The following CACNA2D3 variants were observed in gnomAD, a reference collection of about 807,000 sequenced individuals.
The protein encoded by CACNA2D3 is voltage-dependent calcium channel subunit alpha-2/delta-3.
A neutral mutation model predicts 160.6 loss-of-function variants in CACNA2D3; 60 were observed. The ratio of observed to expected loss-of-function variants is 0.37; its 90% CI spans 0.30 to 0.46. The LOEUF is 0.46. Among genes scored for constraint, CACNA2D3 ranks in the 20% least tolerant of loss-of-function variants. The pLI is 1.00. For synonymous variants in CACNA2D3, 558 were observed against 492.9 expected (o/e 1.13, Z -1.75); for missense variants, 1,205 against 1,365.0 (o/e 0.88, Z 1.85).
intron 10 of CACNA2D3, among the ~76,000 whole-genome samples, chr3:54,635,014 GGAGA>G (rs752018838): frequency 6.6e-6 from 1 of 151,858 alleles, no homozygotes; most frequent in Admixed American, 6.6e-5. Context: ...GGAGTGGTAT[GGAGA>G]GAGAGTGGAC....
intron 2 of CACNA2D3, among the ~76,000 whole-genome samples, chr3:54,297,559 C>T (rs2107485599): frequency 6.6e-6 from 1 of 152,176 alleles, no homozygotes. Flanking sequence ...CTTCTGAGCT[C>T]CCTGAGATCC....
At chr3:54,779,545 A>G (rs951976900) in intron 13 of CACNA2D3, among the ~76,000 whole-genome samples, 29 of 152,178 alleles carry the variant, frequency 1.9e-4, no homozygotes, top group African/African-American at 6.8e-4. Flanking sequence ...AGTTCTTACC[A>G]TGGTCAATAG....
chr3:55,064,809 A>AGAGT (rs1704599302), intron 35 of CACNA2D3, among the ~76,000 whole-genome samples: 1 of 152,174 alleles, frequency 6.6e-6, no homozygotes, highest in African/African-American at 2.4e-5. Context: ...GAAGATGTTC[A>AGAGT]GAGTTCATTG....
intron 2 of CACNA2D3, among the ~76,000 whole-genome samples, chr3:54,296,261 C>T (rs1308040062): frequency 6.6e-6 from 1 of 152,190 alleles, no homozygotes; most frequent in Non-Finnish European, 1.5e-5. Context: ...GAGAACCAAC[C>T]AGACCTTTTC....
At chr3:54,256,381 C>A (rs9838622) in intron 2 of CACNA2D3, among the ~76,000 whole-genome samples, 35,886 of 151,978 alleles carry the variant, frequency 0.24, 4,433 homozygotes, top group African/African-American at 0.31. Flanking sequence ...TTTTCAAAAT[C>A]CAAAAAATTG....
intron 2 of CACNA2D3, among the ~76,000 whole-genome samples, chr3:54,290,339 C>T (rs942007575): frequency 6.6e-6 from 1 of 152,188 alleles, no homozygotes; most frequent in Non-Finnish European, 1.5e-5. Context: ...CAGAGAAATA[C>T]AAATCAAAAC....
chr3:54,461,625 C>T (rs1008081236), intron 4 of CACNA2D3, among the ~76,000 whole-genome samples: 1 of 151,444 alleles, frequency 6.6e-6, no homozygotes, highest in African/African-American at 2.4e-5. Context: ...TGGTGATATC[C>T]CCTTTATCGT....
chr3:55,034,207 C>T (rs771593704), intron 35 of CACNA2D3, among the ~76,000 whole-genome samples: 4 of 151,890 alleles, frequency 2.6e-5, no homozygotes, highest in Non-Finnish European at 5.9e-5. Flanking sequence ...TTCATACCAA[C>T]ACGGTGTGTT....
chr3:54,890,376 GT>G lies in CACNA2D3; in HGVS notation c.2151-978del, dbSNP rs1282916617. 4.6e-5 allele frequency among the ~76,000 whole-genome samples: 7 copies of G among 151,714 alleles called. No homozygotes were observed. In the East Asian group the frequency reaches 1.4e-3, roughly 30 times the overall value. ...CCAGGCGTGGTGGTAGGCGCCTGTAGTCCCAGCTACTCGGGGGGCTGAGGCA... is the reference window on the plus strand; with the variant it reads ...CCAGGCGTGGTGGTAGGCGCCTGTAGCCCAGCTACTCGGGGGGCTGAGGCA... On this transcript the variant is annotated intron_variant, in intron 24 of 37. Coordinates refer to ENST00000474759, the MANE Select transcript of CACNA2D3 (RefSeq NM_018398.3).
At chr3:54,691,179 G>A (rs1700563680) in intron 11 of CACNA2D3, among the ~76,000 whole-genome samples, 1 of 152,156 alleles carries the variant, frequency 6.6e-6, no homozygotes, top group African/African-American at 2.4e-5. Context: ...GCTCACCCCT[G>A]TGTGAAAGAA....
At chr3:54,507,888 G>A (rs191065058) in intron 5 of CACNA2D3, among the ~76,000 whole-genome samples, 2 of 152,364 alleles carry the variant, frequency 1.3e-5, no homozygotes, top group Admixed American at 1.3e-4. Flanking sequence ...TGCCTCGGGG[G>A]ATGTGCTGAG....
At chr3:54,870,508 T>C (rs905524586) in intron 17 of CACNA2D3, among the ~76,000 whole-genome samples, 1 of 152,162 alleles carries the variant, frequency 6.6e-6, no homozygotes, top group Admixed American at 6.5e-5. Context: ...TGCTAATCCT[T>C]AGCCTGCAGC....
chr3:54,153,403 G>T (rs1396424073), intron 2 of CACNA2D3, among the ~76,000 whole-genome samples: 1 of 152,174 alleles, frequency 6.6e-6, no homozygotes, highest in African/African-American at 2.4e-5. Context: ...GTGAGAAATG[G>T]GTGGCCCCTG....
chr3:55,011,468 C>T (rs1703210707), intron 34 of CACNA2D3, among the ~76,000 whole-genome samples: 1 of 152,162 alleles, frequency 6.6e-6, no homozygotes, highest in Admixed American at 6.5e-5. Flanking sequence ...ATACTGGTAA[C>T]TCTTTAAATG....
chr3:54,916,526 G>A (rs1206937864), intron 27 of CACNA2D3, among the ~76,000 whole-genome samples: 4 of 152,098 alleles, frequency 2.6e-5, no homozygotes, highest in South Asian at 4.1e-4. Context: ...AATTACCATC[G>A]AAATTTAAAC....
intron 25 of CACNA2D3, among the ~76,000 whole-genome samples, chr3:54,896,127 C>T (rs1700182074): frequency 1.3e-5 from 2 of 152,150 alleles, no homozygotes; most frequent in Admixed American, 6.5e-5. Context: ...AGAAAGAAGA[C>T]TGCACCTAGC....
At chr3:54,559,803 C>T (rs1012731292) in intron 5 of CACNA2D3, among the ~76,000 whole-genome samples, 1 of 152,158 alleles carries the variant, frequency 6.6e-6, no homozygotes, top group Non-Finnish European at 1.5e-5. Context: ...TCCATGTGTT[C>T]TCATCATTTA....
At chr3:54,320,579 C>T in intron 3 of CACNA2D3, 21 bp downstream of exon 3, 6 of 1,364,398 alleles carry the variant, frequency 4.4e-6, no homozygotes, top group Non-Finnish European at 6.0e-6. Context: ...ATGTTTTGTG[C>T]CCTGTATCGC....
intron 2 of CACNA2D3, among the ~76,000 whole-genome samples, chr3:54,198,076 G>A (rs2107345972): frequency 6.6e-6 from 1 of 152,342 alleles, no homozygotes; most frequent in Non-Finnish European, 1.5e-5. Context: ...CTGCTGCCTT[G>A]TTCTTATCAG....
Sources: gnomAD v4.1 joint callset for allele counts (sites outside exome capture counted in the v4.1 genomes callset) on GRCh38, gnomAD v4.1.1 for gene constraint, MANE v1.5 for transcripts, NCBI Gene and HGNC (gene_info 2026-07-23, HGNC 2026-07-21) for gene names.